The following GRIN2B variants were observed in gnomAD, a reference collection of about 807,000 sequenced individuals.
GRIN2B encodes the protein glutamate receptor ionotropic, NMDA 2B.
Under a neutral mutation model 114.5 loss-of-function variants are expected in GRIN2B, and 5 were observed. The ratio of observed to expected loss-of-function variants is 0.04; its 90% CI spans 0.02 to 0.09. GRIN2B has a LOEUF of 0.09. Among genes scored for constraint, GRIN2B ranks in the 10% least tolerant of loss-of-function variants. The pLI, the probability that GRIN2B is intolerant of heterozygous loss-of-function variation, is 1.00. For synonymous variants in GRIN2B, 787 were observed against 745.1 expected, an observed-to-expected ratio of 1.06 and a Z score of -0.92; for missense variants, 1,108 against 1,943.5, an observed-to-expected ratio of 0.57 and a Z score of 8.08.
At chr12:13,961,005 T>C (rs567931704) in intron 2 of GRIN2B, among the ~76,000 whole-genome samples, 5 of 150,888 alleles carry the variant, frequency 3.3e-5, no homozygotes, top group African/African-American at 1.2e-4. Context: ...GTTTTGAGAG[T>C]GGGGTGGGTG....
At chr12:13,866,918 T>C (rs1273099259) in intron 2 of GRIN2B, among the ~76,000 whole-genome samples, 1 of 152,208 alleles carries the variant, frequency 6.6e-6, no homozygotes, top group East Asian at 1.9e-4. Flanking sequence ...TTATAAATGT[T>C]GACGCCAAGG....
At chr12:13,972,789 T>C (rs1862952157) in intron 2 of GRIN2B, among the ~76,000 whole-genome samples, 2 of 152,242 alleles carry the variant, frequency 1.3e-5, no homozygotes, top group African/African-American at 4.8e-5. Context: ...TATTATCCTG[T>C]GCCACACACA....
At chr12:13,961,375 A>G (rs947490263) in intron 2 of GRIN2B, among the ~76,000 whole-genome samples, 2 of 152,236 alleles carry the variant, frequency 1.3e-5, no homozygotes, top group Admixed American at 1.3e-4. Flanking sequence ...GAGAGATACC[A>G]TAGGGAAGAA....
intron 2 of GRIN2B, among the ~76,000 whole-genome samples, chr12:13,901,978 C>G (rs990127244): frequency 6.6e-5 from 10 of 152,122 alleles, no homozygotes; most frequent in Admixed American, 1.3e-4. Flanking sequence ...CACCAATCTG[C>G]CATGCCCTTC....
intron 3 of GRIN2B, among the ~76,000 whole-genome samples, chr12:13,769,904 G>C (rs1863872797): frequency 6.6e-6 from 1 of 152,244 alleles, no homozygotes; most frequent in African/African-American, 2.4e-5. Flanking sequence ...ATTAGGACTT[G>C]AGGAAGGTTC....
At chr12:13,869,458 A>G (rs1304532220) in intron 2 of GRIN2B, among the ~76,000 whole-genome samples, 1 of 152,162 alleles carries the variant, frequency 6.6e-6, no homozygotes, top group Non-Finnish European at 1.5e-5. Context: ...TGAACCATAT[A>G]AAATTGTTAA....
At chr12:13,721,169 C>T (rs1036238816) in intron 4 of GRIN2B, among the ~76,000 whole-genome samples, 2 of 151,806 alleles carry the variant, frequency 1.3e-5, no homozygotes, top group Non-Finnish European at 1.5e-5. Flanking sequence ...GAAGCATGTT[C>T]AAGAATCCTG....
rs557981830 is a variant in GRIN2B at position 13,895,571 on chromosome 12, C to T, written c.-18-29345G>A. ...ACAGGTCTTTCCAAAGTTTGAAAGG[C>T]TAAGAATTTCAGAAGTTCTTGAGAA... On this transcript the variant is annotated intron_variant, in intron 2 of 13. Coordinates refer to ENST00000609686, the MANE Select transcript of GRIN2B (RefSeq NM_000834.5). 1.3e-4 allele frequency among the ~76,000 whole-genome samples: 20 copies of T among 152,146 alleles called. No homozygotes were observed. In the East Asian group the frequency reaches 2.9e-3, roughly 22 times the overall value.
At chr12:13,739,588 C>G (rs546352788) in intron 4 of GRIN2B, among the ~76,000 whole-genome samples, 1 of 151,894 alleles carries the variant, frequency 6.6e-6, no homozygotes, top group South Asian at 2.1e-4. Context: ...TGGGCTGTTC[C>G]GCACACTTCT....
chr12:13,929,867 A>G (rs958644432), intron 2 of GRIN2B, among the ~76,000 whole-genome samples: 16 of 152,078 alleles, frequency 1.1e-4, no homozygotes, highest in African/African-American at 3.1e-4. Context: ...ATATTAAAGC[A>G]CTCCAAACAC....
chr12:13,635,859 GT>G (rs1639265850), intron 5 of GRIN2B, among the ~76,000 whole-genome samples: 1 of 152,118 alleles, frequency 6.6e-6, no homozygotes, highest in African/African-American at 2.4e-5. Context: ...TAGAATATAA[GT>G]TCTTCTTTCG....
chr12:13,712,342 C>G (rs1304179193), intron 4 of GRIN2B, among the ~76,000 whole-genome samples: 2 of 151,864 alleles, frequency 1.3e-5, no homozygotes, highest in African/African-American at 4.8e-5. Flanking sequence ...AACAAACCTG[C>G]ACGTTGTGCA....
intron 4 of GRIN2B, among the ~76,000 whole-genome samples, chr12:13,699,342 G>C (rs1483660072): frequency 6.6e-6 from 1 of 152,072 alleles, no homozygotes; most frequent in Non-Finnish European, 1.5e-5. Flanking sequence ...GTGACCACTA[G>C]GGTCTCCTAA....
intron 3 of GRIN2B, among the ~76,000 whole-genome samples, chr12:13,804,639 T>C (rs182957139): frequency 9.2e-5 from 14 of 152,298 alleles, no homozygotes; most frequent in Admixed American, 7.9e-4. Context: ...GTCACACTAA[T>C]TAAAACTTCT....
At chr12:13,579,395 C>A (rs758810238) in intron 10 of GRIN2B, among the ~76,000 whole-genome samples, 1 of 152,188 alleles carries the variant, frequency 6.6e-6, no homozygotes, top group Non-Finnish European at 1.5e-5. Context: ...AGCTGTGTGA[C>A]CTTGATCAAC....
intron 2 of GRIN2B, among the ~76,000 whole-genome samples, chr12:13,925,321 C>T (rs1192257540): frequency 6.6e-6 from 1 of 152,102 alleles, no homozygotes; most frequent in African/African-American, 2.4e-5. Context: ...GCAGGAATAA[C>T]AGGAAGAAAT....
intron 10 of GRIN2B, among the ~76,000 whole-genome samples, chr12:13,589,855 C>A (rs1168468014): frequency 6.6e-6 from 1 of 152,064 alleles, no homozygotes; most frequent in Non-Finnish European, 1.5e-5. Flanking sequence ...TGGGACTCGG[C>A]CTCTCCCAAA....
chr12:13,764,297 A>G lies in GRIN2B; in HGVS notation c.412-10382T>C, dbSNP rs549295502. Among the ~76,000 whole-genome samples the G allele has an allele frequency of 4.6e-5, 7 of 152,102 alleles. No homozygotes were observed. The East Asian group carries it at 1.4e-3, about 29-fold the overall frequency. The stretch of plus-strand genomic sequence containing the variant: ...CCCAGCCCATCCCCTCTGACTTACC[A>G]GTACTAATCCTGTCAACATTCCTGG... On this transcript the variant is annotated intron_variant, in intron 3 of 13. Coordinates refer to ENST00000609686, the MANE Select transcript of GRIN2B (RefSeq NM_000834.5).
intron 2 of GRIN2B, among the ~76,000 whole-genome samples, chr12:13,870,697 A>T (rs1865890875): frequency 6.6e-6 from 1 of 152,230 alleles, no homozygotes; most frequent in Non-Finnish European, 1.5e-5. Flanking sequence ...GGAGTGATTC[A>T]ATTAAGGAGA....
Sources: allele counts gnomAD v4.1 joint callset (sites outside exome capture counted in the v4.1 genomes callset), GRCh38; gene constraint gnomAD v4.1.1; transcripts MANE v1.5; gene names NCBI Gene and HGNC (gene_info 2026-07-23, HGNC 2026-07-21).